Variants in ST14 observed in about 807,000 individuals in gnomAD.
The protein encoded by ST14 is suppressor of tumorigenicity 14 protein.
ST14 carries 40 observed loss-of-function variants against 96.5 expected under a neutral mutation model. That is an observed-to-expected ratio of 0.41 (90% CI 0.32 to 0.54). The LOEUF is 0.54. ST14 is among the 20% of genes least tolerant of loss of function. ST14 has a pLI of 0.17. For missense variants in ST14, 1,066 were observed against 1,188.9 expected, an observed-to-expected ratio of 0.90 and a Z score of 1.52; for synonymous variants, 506 against 492.1, an observed-to-expected ratio of 1.03 and a Z score of -0.37.
At chr11:130,166,730 C>T (rs771524675) in intron 1 of ST14, among the ~76,000 whole-genome samples, 2 of 152,300 alleles carry the variant, frequency 1.3e-5, no homozygotes, top group East Asian at 1.9e-4. Context: ...GCAGAAACCA[C>T]GAGACCCAGA....
chr11:130,168,299 G>A (rs950234270), intron 1 of ST14, among the ~76,000 whole-genome samples: 1 of 152,158 alleles, frequency 6.6e-6, no homozygotes, highest in South Asian at 2.1e-4. Context: ...TTCTGGAAAC[G>A]GTGTCTTCAA....
At position 130,198,516 on chromosome 11, in the gene ST14, G is replaced by A; in HGVS notation, c.1579G>A (p.Ala527Thr). ...NSDEQGCSCP[A>T]QTFRCSNGKC... ...TCCTGGTGCCTCTCCAGGTTGTCCG[G>A]CCCAGACCTTCAGGTGTTCCAATGG... Residue 527 changes from alanine to threonine, a missense_variant, in exon 14 of 19, where the codon GCC becomes ACC. By Grantham distance (58) the Ala-to-Thr change is moderately conservative. Transcript: ENST00000278742. 6.2e-7 allele frequency: 1 copy of A among 1,614,066 alleles called. No individual in the cohort carries two copies. The highest frequency in any genetic ancestry group is 8.5e-7 in the Non-Finnish European group (1 of 1,180,018).
At chr11:130,203,074 G>A (rs1953447935) in intron 16 of ST14, among the ~76,000 whole-genome samples, 1 of 152,144 alleles carries the variant, frequency 6.6e-6, no homozygotes, top group Non-Finnish European at 1.5e-5. Flanking sequence ...CAGACTTACC[G>A]ATTGGCTGGG....
intron 1 of ST14, among the ~76,000 whole-genome samples, chr11:130,183,039 C>G (rs933230068): frequency 2.6e-5 from 4 of 152,014 alleles, no homozygotes; most frequent in African/African-American, 9.7e-5. Flanking sequence ...TCACCGCAAC[C>G]TCTGCCTCCT....
Position 130,209,867 on chromosome 11 carries a change from C to CGT in ST14, c.*45_*46dup, listed in dbSNP as rs773318011. ...TGTGTACACCTGCGGGGCCACCCAT[C>CGT]GTCCACCCCAGTGTGCACGCCTGCA... is the stretch of plus-strand genomic sequence containing the variant. On this transcript the variant is annotated 3_prime_UTR_variant, in exon 19 of 19. Transcript: ENST00000278742. The CGT allele has an allele frequency of 6.2e-7, 1 of 1,607,138 alleles. No homozygotes were observed. Among genetic ancestry groups the CGT allele is most frequent in the Non-Finnish European group, 8.5e-7 (1 of 1,178,934 alleles).
rs1346959056 is a variant in ST14 at position 130,181,745 on chromosome 11, G to A, written c.82-6369G>A. Among the ~76,000 whole-genome samples, 2 of 152,008 alleles carry A rather than the reference G, an allele frequency of 1.3e-5. No homozygotes were observed. The highest frequency in any genetic ancestry group is 4.2e-4 in the South Asian group (2 of 4,812). On this transcript the variant is annotated intron_variant, in intron 1 of 18. Transcript: ENST00000278742. The surrounding 1 kb of genome is among the most constrained non-coding windows in gnomAD (Gnocchi z 4.1). ...CCACTCCCTCTCTTTCATCCTCAGT[G>A]TTCTTATCAATAAAACGATGGGATT...
intron 1 of ST14, among the ~76,000 whole-genome samples, chr11:130,170,030 A>T (rs1953076327): frequency 6.6e-6 from 1 of 152,142 alleles, no homozygotes; most frequent in East Asian, 1.9e-4. Flanking sequence ...TGCAAACTAA[A>T]TGGGATCGAA....
intron 1 of ST14, among the ~76,000 whole-genome samples, chr11:130,183,476 T>C (rs489573): frequency 0.87 from 132,499 of 151,650 alleles, 58,079 homozygotes; most frequent in East Asian, 0.97. Context: ...AGGAGGCTGA[T>C]GCAGGAGGAT....
intron 17 of ST14, 54 bp downstream of exon 17, chr11:130,208,738 G>T (rs1953515390): frequency 6.4e-7 from 1 of 1,569,284 alleles, no homozygotes; most frequent in African/African-American, 1.4e-5. Flanking sequence ...CTTTCTCCAA[G>T]GCCGTGTTTC....
intron 9 of ST14, among the ~76,000 whole-genome samples, chr11:130,196,002 CA>C (rs1311949448): frequency 6.6e-6 from 1 of 150,934 alleles, no homozygotes; most frequent in African/African-American, 2.4e-5. Flanking sequence ...ACTAAAAATA[CA>C]AAAAAAATTA....
At chr11:130,162,358 C>T (rs1186417304) in intron 1 of ST14, among the ~76,000 whole-genome samples, 2 of 152,168 alleles carry the variant, frequency 1.3e-5, no homozygotes, top group Non-Finnish European at 2.9e-5. Flanking sequence ...TAATGAGAGC[C>T]AGGGAGCCTG....
In ST14 at chr11:130,205,276, G is replaced by A. The variant is rs535085246; in HGVS notation, c.1995-3134G>A. ...GGAGTAGCTGGGACTACAGGTGTGC[G>A]CCACCTTGCCCGGCTAAATTTTTGT... On this transcript the variant is annotated intron_variant, in intron 16 of 18. Coordinates refer to ENST00000278742, the MANE Select transcript of ST14 (RefSeq NM_021978.4). Among the ~76,000 whole-genome samples the A allele has an allele frequency of 7.9e-5, 12 of 152,206 alleles. No individual in the cohort carries two copies. The South Asian group carries it at 1.4e-3, about 18-fold the overall frequency.
At chr11:130,167,762 T>G (rs1281126345) in intron 1 of ST14, among the ~76,000 whole-genome samples, 1 of 152,106 alleles carries the variant, frequency 6.6e-6, no homozygotes, top group East Asian at 1.9e-4. Flanking sequence ...TCGCCTAGGC[T>G]GGAGTGCAGT....
intron 1 of ST14, among the ~76,000 whole-genome samples, chr11:130,182,822 T>A (rs1396182131): frequency 1.3e-5 from 2 of 151,138 alleles, no homozygotes; most frequent in Non-Finnish European, 3.0e-5. Flanking sequence ...GCTAATTTTT[T>A]ATGTTTTTTG....
At position 130,188,783 on chromosome 11, in the gene ST14, C is replaced by G. The variant is rs540451795; in HGVS notation, c.370-86C>G. 1 of 1,603,362 alleles carries G rather than the reference C, an allele frequency of 6.2e-7. No individual in the cohort carries two copies. Among genetic ancestry groups the G allele is most frequent in the Non-Finnish European group, 8.5e-7 (1 of 1,173,016 alleles). ...ATGGGGGTGATCTGCAAAGGGGACC[C>G]GGGCCCTGGAGGGGAGGGAGCAGCC... On this transcript the variant is annotated intron_variant, in intron 3 of 18. Transcript: ENST00000278742. This position sits in a 1 kb window ranked among gnomAD's most constrained non-coding sequence, Gnocchi z 5.4.
intron 15 of ST14, among the ~76,000 whole-genome samples, chr11:130,199,677 C>A (rs1157032198): frequency 6.6e-6 from 1 of 152,156 alleles, no homozygotes; most frequent in Non-Finnish European, 1.5e-5. Context: ...CAGCCAGCCT[C>A]CGGAGGCCCT....
At chr11:130,196,035 C>T (rs1434072115) in intron 9 of ST14, among the ~76,000 whole-genome samples, 2 of 151,876 alleles carry the variant, frequency 1.3e-5, no homozygotes, top group Non-Finnish European at 2.9e-5. Context: ...TGGCTTGTGA[C>T]TGTAATCCCA....
Position 130,194,184 on chromosome 11 carries a change from C to G in ST14, c.911C>G (p.Thr304Ser), listed in dbSNP as rs150142904. 1 of 1,614,240 alleles carries G rather than the reference C, an allele frequency of 6.2e-7. No individual in the cohort carries two copies. The highest frequency in any genetic ancestry group is 8.5e-7 in the Non-Finnish European group (1 of 1,180,040). ...ACCTACCCTCCCTCCTACAACCTGA[C>G]CTTCCACTCCTCCCAGAACGTCCTG... ...CGTYPPSYNL[T>S]FHSSQNVLLI... is the part of the protein sequence containing the mutation. The change falls in exon 8 of 19, where the codon ACC becomes AGC. Residue 304 changes from threonine (T) to serine (S), a missense_variant. Physicochemically the swap from Thr to Ser is moderately conservative, Grantham distance 58. Coordinates refer to ENST00000278742, the MANE Select transcript of ST14 (RefSeq NM_021978.4).
chr11:130,188,389 G>A lies in ST14; in HGVS notation c.241+116G>A, dbSNP rs1953259597. 1 of 1,584,388 alleles carries A rather than the reference G, an allele frequency of 6.3e-7. No homozygotes were observed. The highest frequency in any genetic ancestry group is 1.1e-5 in the South Asian group (1 of 88,084). On this transcript the variant is annotated intron_variant, in intron 2 of 18. Coordinates refer to ENST00000278742, the MANE Select transcript of ST14 (RefSeq NM_021978.4). This position sits in a 1 kb window ranked among gnomAD's most constrained non-coding sequence, Gnocchi z 5.4. ...TACACGAGGATCTCTTGGCCTCTCTGGAACCCTGATGGGGAGTGATGGGAA... is the reference window on the plus strand; with the variant it reads ...TACACGAGGATCTCTTGGCCTCTCTAGAACCCTGATGGGGAGTGATGGGAA...
Sources: gnomAD v4.1 joint callset for allele counts (sites outside exome capture counted in the v4.1 genomes callset) on GRCh38, gnomAD v4.1.1 for gene constraint, Gnocchi (gnomAD v3.1) non-coding constraint, MANE v1.5 for transcripts, NCBI Gene and HGNC (gene_info 2026-07-23, HGNC 2026-07-21) for gene names.